Variants in KCNH7 observed in about 807,000 individuals in gnomAD.
KCNH7 encodes voltage-gated inwardly rectifying potassium channel KCNH7.
A neutral mutation model predicts 120.8 loss-of-function variants in KCNH7; 49 were observed. The ratio of observed to expected loss-of-function variants is 0.41; its 90% CI spans 0.32 to 0.51. The LOEUF (loss-of-function observed/expected upper bound fraction) is 0.51, where lower values mean the gene tolerates loss of function less well. Ranked by LOEUF, KCNH7 falls within the 20% of genes least tolerant of loss-of-function variation. KCNH7 has a pLI of 0.38. For synonymous variants in KCNH7, 547 were observed against 516.1 expected (o/e 1.06, Z -0.81); for missense variants, 1,097 against 1,446.6 (o/e 0.76, Z 3.92).
chr2:162,815,938 C>T (rs1684903308), intron 2 of KCNH7, among the ~76,000 whole-genome samples: 1 of 152,174 alleles, frequency 6.6e-6, no homozygotes, highest in South Asian at 2.1e-4. Context: ...ATAACCTCAT[C>T]CTCCAGTTTA....
intron 2 of KCNH7, among the ~76,000 whole-genome samples, chr2:162,640,893 A>G (rs1019492642): frequency 7.2e-5 from 11 of 152,274 alleles, no homozygotes; most frequent in Admixed American, 3.3e-4. Flanking sequence ...TTTCACTGAA[A>G]ACTATATTCA....
intron 13 of KCNH7, 135 bp downstream of exon 13, chr2:162,384,553 G>A: frequency 1.1e-6 from 1 of 877,330 alleles, no homozygotes; most frequent in Non-Finnish European, 1.8e-6. Context: ...TCTGAAATCT[G>A]AACGCTTCGC....
chr2:162,526,784 C>T (rs537375140), intron 3 of KCNH7, among the ~76,000 whole-genome samples: 4 of 152,048 alleles, frequency 2.6e-5, no homozygotes, highest in East Asian at 3.9e-4. Flanking sequence ...GCGTCCTAAG[C>T]GGACATACAT....
At chr2:162,418,225 G>C (rs1687595445) in intron 9 of KCNH7, among the ~76,000 whole-genome samples, 1 of 152,126 alleles carries the variant, frequency 6.6e-6, no homozygotes, top group Admixed American at 6.5e-5. Flanking sequence ...TGCCAGTCCT[G>C]TGGGTCATTA....
At chr2:162,430,189 C>T (rs1319044181) in intron 8 of KCNH7, among the ~76,000 whole-genome samples, 2 of 151,906 alleles carry the variant, frequency 1.3e-5, no homozygotes, top group Non-Finnish European at 2.9e-5. Flanking sequence ...GAGATTTCTA[C>T]CAAATACCCT....
At chr2:162,680,663 A>G (rs1045934957) in intron 2 of KCNH7, among the ~76,000 whole-genome samples, 1 of 151,782 alleles carries the variant, frequency 6.6e-6, no homozygotes, top group Non-Finnish European at 1.5e-5. Context: ...ATGTAAATAC[A>G]TATCATTAGA....
intron 2 of KCNH7, among the ~76,000 whole-genome samples, chr2:162,618,988 C>T (rs80320575): frequency 0.022 from 3,421 of 152,204 alleles, 125 homozygotes; most frequent in East Asian, 0.18. Context: ...CAAATTACTC[C>T]TCTAGACTCA....
At chr2:162,684,185 T>C (rs1001494837) in intron 2 of KCNH7, among the ~76,000 whole-genome samples, 5 of 152,054 alleles carry the variant, frequency 3.3e-5, no homozygotes, top group African/African-American at 1.2e-4. Context: ...TTACCCCTTA[T>C]ACAAAAATTA....
chr2:162,648,503 GGTCTA>G (rs1238599238), intron 2 of KCNH7, among the ~76,000 whole-genome samples: 2 of 152,076 alleles, frequency 1.3e-5, no homozygotes, highest in Non-Finnish European at 2.9e-5. Context: ...AGCTCTCCAT[GGTCTA>G]GCCTACAATA....
chr2:162,420,200 A>C (rs1687657697), intron 9 of KCNH7, among the ~76,000 whole-genome samples: 1 of 152,072 alleles, frequency 6.6e-6, no homozygotes, highest in South Asian at 2.1e-4. Context: ...ACATGGTGAA[A>C]GCCTATCTCT....
chr2:162,669,259 A>G (rs942438145), intron 2 of KCNH7, among the ~76,000 whole-genome samples: 2 of 152,212 alleles, frequency 1.3e-5, no homozygotes, highest in African/African-American at 4.8e-5. Context: ...TCCAATGTAG[A>G]GCAAATAAAA....
chr2:162,734,014 G>A (rs1202949938), intron 2 of KCNH7, among the ~76,000 whole-genome samples: 1 of 151,914 alleles, frequency 6.6e-6, no homozygotes, highest in Admixed American at 6.6e-5. Context: ...AGTAAATTGA[G>A]GCTCAGAAAT....
intron 11 of KCNH7, among the ~76,000 whole-genome samples, chr2:162,394,696 G>T (rs1474059889): frequency 1.3e-5 from 2 of 151,836 alleles, no homozygotes; most frequent in Non-Finnish European, 2.9e-5. Flanking sequence ...TTCACCATTT[G>T]CTGGGGAAAT....
At chr2:162,835,886 T>C (rs1685647252) in intron 2 of KCNH7, among the ~76,000 whole-genome samples, 1 of 152,118 alleles carries the variant, frequency 6.6e-6, no homozygotes, top group East Asian at 1.9e-4. Context: ...GCTGTAGTTA[T>C]AAAAATCAAT....
chr2:162,654,786 A>T (rs1005007804), intron 2 of KCNH7, among the ~76,000 whole-genome samples: 2 of 152,210 alleles, frequency 1.3e-5, no homozygotes, highest in African/African-American at 4.8e-5. Flanking sequence ...ACACAATGGA[A>T]TACTATTCAG....
intron 14 of KCNH7, among the ~76,000 whole-genome samples, chr2:162,378,185 A>G (rs1686282058): frequency 6.6e-6 from 1 of 152,236 alleles, no homozygotes; most frequent in African/African-American, 2.4e-5. Flanking sequence ...CATTTTGTAT[A>G]GCATATGTAG....
At chr2:162,383,744 T>G (rs1279544531) in intron 13 of KCNH7, among the ~76,000 whole-genome samples, 1 of 151,988 alleles carries the variant, frequency 6.6e-6, no homozygotes. Context: ...TATTAAATTA[T>G]TAAAACTTGA....
chr2:162,770,523 G>A (rs528819056), intron 2 of KCNH7, among the ~76,000 whole-genome samples: 97 of 151,936 alleles, frequency 6.4e-4, no homozygotes, highest in Middle Eastern at 3.4e-3. Context: ...TTGAGCATCC[G>A]TTTCATAAAC....
At chr2:162,752,943 GAA>G (rs1688629163) in intron 2 of KCNH7, among the ~76,000 whole-genome samples, 1 of 98,984 alleles carries the variant, frequency 1.0e-5, no homozygotes, top group African/African-American at 6.3e-5. Flanking sequence ...GAAAAGAAAA[GAA>G]AAGAAAAGAA....
Sources: gnomAD v4.1 joint callset for allele counts (sites outside exome capture counted in the v4.1 genomes callset) on GRCh38, gnomAD v4.1.1 for gene constraint, MANE v1.5 for transcripts, NCBI Gene and HGNC (gene_info 2026-07-23, HGNC 2026-07-21) for gene names.